PDE3B: variants seen among roughly 807,000 people sequenced by gnomAD.
PDE3B encodes the protein cGMP-inhibited 3',5'-cyclic phosphodiesterase 3B.
A neutral mutation model predicts 116.8 loss-of-function variants in PDE3B; 66 were observed. The ratio of observed to expected loss-of-function variants is 0.56; its 90% CI spans 0.46 to 0.69. The LOEUF (loss-of-function observed/expected upper bound fraction) is 0.69, where lower values mean the gene tolerates loss of function less well. Among genes scored for constraint, PDE3B ranks in the 30% least tolerant of loss-of-function variants. PDE3B has a pLI of 0.00. For synonymous variants in PDE3B, 595 were observed against 533.6 expected (o/e 1.12, Z -1.59); for missense variants, 1,384 against 1,368.1 (o/e 1.01, Z -0.18).
chr11:14,880,608 A>C, the PDE3B span: 1 of 1,612,296 alleles, frequency 6.2e-7, no homozygotes, highest in East Asian at 2.2e-5. Flanking sequence ...TAAAGTCAAA[A>C]GGTCTACCTT....
At chr11:14,797,758 GT>G (rs1480015167) in intron 4 of PDE3B, among the ~76,000 whole-genome samples, 1 of 152,106 alleles carries the variant, frequency 6.6e-6, no homozygotes, top group East Asian at 1.9e-4. Context: ...AGGAATGCTT[GT>G]GATTTTTGCA....
At chr11:14,736,843 C>T (rs567120954) in intron 1 of PDE3B, among the ~76,000 whole-genome samples, 2 of 152,166 alleles carry the variant, frequency 1.3e-5, no homozygotes, top group East Asian at 3.9e-4. Context: ...TTTTGATCAT[C>T]TGAGAGAGAT....
At chr11:14,852,287 C>G (rs751485175) in intron 12 of PDE3B, among the ~76,000 whole-genome samples, 1 of 152,078 alleles carries the variant, frequency 6.6e-6, no homozygotes, top group Admixed American at 6.6e-5. Context: ...AACTACTGAC[C>G]TCATGTGATC....
chr11:14,803,353 C>T (rs1858827756), intron 4 of PDE3B, among the ~76,000 whole-genome samples: 1 of 152,094 alleles, frequency 6.6e-6, no homozygotes, highest in Admixed American at 6.5e-5. Flanking sequence ...TTTGCCTACA[C>T]TAATAAAAGT....
At chr11:14,652,365 C>A (rs761298024) in intron 1 of PDE3B, among the ~76,000 whole-genome samples, 5 of 152,130 alleles carry the variant, frequency 3.3e-5, no homozygotes, top group Non-Finnish European at 4.4e-5. Flanking sequence ...GTCAGTACCA[C>A]ACTGTTTTGA....
At chr11:14,723,107 C>G (rs529940249) in intron 1 of PDE3B, among the ~76,000 whole-genome samples, 1 of 152,330 alleles carries the variant, frequency 6.6e-6, no homozygotes, top group South Asian at 2.1e-4. Flanking sequence ...AACTCTTTCT[C>G]TGTTTCAGAA....
At chr11:14,655,757 CAG>C (rs1853701597) in intron 1 of PDE3B, among the ~76,000 whole-genome samples, 1 of 152,248 alleles carries the variant, frequency 6.6e-6, no homozygotes, top group South Asian at 2.1e-4. Context: ...TAAGTAGAGA[CAG>C]GCGTTGAGAC....
intron 1 of PDE3B, among the ~76,000 whole-genome samples, chr11:14,684,840 C>T (rs1854820549): frequency 6.6e-6 from 1 of 152,092 alleles, no homozygotes; most frequent in African/African-American, 2.4e-5. Context: ...AAATATGGCT[C>T]TATTCTGCCT....
intron 12 of PDE3B, among the ~76,000 whole-genome samples, chr11:14,853,345 A>G (rs1445420393): frequency 6.6e-6 from 1 of 152,208 alleles, no homozygotes; most frequent in African/African-American, 2.4e-5. Flanking sequence ...TTATTCCATA[A>G]TACCTAGAAT....
intron 1 of PDE3B, among the ~76,000 whole-genome samples, chr11:14,681,402 G>T (rs144815108): frequency 6.6e-6 from 1 of 152,096 alleles, no homozygotes; most frequent in South Asian, 2.1e-4. Flanking sequence ...TGCTGTTCTC[G>T]TGATAGTGAA....
At position 14,761,236 on chromosome 11, in the gene PDE3B, C is replaced by G. The variant is rs570560899; in HGVS notation, c.979-10701C>G. ...AGACTTTAATTATCATCTGATTTTC[C>G]TTTCTATGCCATTTGGAATTATAAA... On this transcript the variant is annotated intron_variant, in intron 1 of 15. Coordinates refer to ENST00000282096, the MANE Select transcript of PDE3B (RefSeq NM_000922.4). Among the ~76,000 whole-genome samples the G allele has an allele frequency of 5.0e-4, 76 of 152,124 alleles. 2 individuals carry two copies. The highest frequency in any genetic ancestry group is 2.1e-3 in the South Asian group (10 of 4,824).
chr11:14,891,092 G>A, the PDE3B span: 1 of 985,384 alleles, frequency 1.0e-6, no homozygotes, highest in Non-Finnish European at 1.2e-6. Context: ...AAACAAAACA[G>A]GTGAGCTCTG....
chr11:14,672,839 T>C (rs1167213610), intron 1 of PDE3B, among the ~76,000 whole-genome samples: 2 of 152,194 alleles, frequency 1.3e-5, no homozygotes, highest in African/African-American at 4.8e-5. Context: ...CACTGGTACT[T>C]AGTCATATGG....
intron 12 of PDE3B, among the ~76,000 whole-genome samples, chr11:14,848,272 T>C (rs1193809301): frequency 5.7e-5 from 8 of 139,554 alleles, no homozygotes; most frequent in Non-Finnish European, 7.7e-5. Flanking sequence ...GAAAAGGCCT[T>C]TGACAAAATT....
At chr11:14,688,947 A>G (rs1854969399) in intron 1 of PDE3B, among the ~76,000 whole-genome samples, 1 of 151,954 alleles carries the variant, frequency 6.6e-6, no homozygotes. Context: ...TAATTTTTGT[A>G]TTTTTAGTAG....
At chr11:14,814,818 T>G (rs545509538) in intron 5 of PDE3B, among the ~76,000 whole-genome samples, 20 of 152,020 alleles carry the variant, frequency 1.3e-4, no homozygotes, top group Admixed American at 1.3e-3. Context: ...AAAAATTAGC[T>G]GGGCGTGGTG....
chr11:14,768,765 T>C (rs925455675), intron 1 of PDE3B, among the ~76,000 whole-genome samples: 1 of 151,470 alleles, frequency 6.6e-6, no homozygotes, highest in South Asian at 2.1e-4. Context: ...TAAAATACAC[T>C]AAAAATGTCT....
At chr11:14,712,507 T>A (rs1432541366) in intron 1 of PDE3B, among the ~76,000 whole-genome samples, 3 of 139,836 alleles carry the variant, frequency 2.1e-5, no homozygotes, top group Non-Finnish European at 3.1e-5. Context: ...TGGAGTCTTG[T>A]CCTGTTGCCT....
chr11:14,898,704 T>A, the PDE3B span, among the ~76,000 whole-genome samples: 3 of 152,144 alleles, frequency 2.0e-5, no homozygotes, highest in African/African-American at 7.2e-5. Context: ...ATGCTCTTTC[T>A]TTTTTTCTCT....
Sources: gnomAD v4.1 joint callset for allele counts (sites outside exome capture counted in the v4.1 genomes callset) on GRCh38, gnomAD v4.1.1 for gene constraint, MANE v1.5 for transcripts, NCBI Gene and HGNC (gene_info 2026-07-23, HGNC 2026-07-21) for gene names.